The following PAX2 variants were observed in gnomAD, a reference collection of about 807,000 sequenced individuals.
PAX2 encodes paired box 2, also known as paired box protein Pax-2.
In PAX2, 9 loss-of-function variants were observed where a neutral mutation model predicts 41.7. That is an observed-to-expected ratio of 0.22 (90% CI 0.13 to 0.38). The LOEUF is 0.38. Ranked by LOEUF, PAX2 falls within the 10% of genes least tolerant of loss-of-function variation. The probability of loss-of-function intolerance (pLI) is 1.00; values close to 1 mark genes in which losing one functional copy is unlikely to be tolerated. For synonymous variants in PAX2, 221 were observed against 212.7 expected (o/e 1.04, Z -0.34); for missense variants, 418 against 531.6 (o/e 0.79, Z 2.10).
chr10:100,739,964 C>G (rs1285899866), intron 1 of PAX2, among the ~76,000 whole-genome samples: 2 of 152,236 alleles, frequency 1.3e-5, no homozygotes, highest in Admixed American at 1.3e-4. Flanking sequence ...TCAGGCCTCC[C>G]AGAGACAGGT....
At chr10:100,783,252 C>A (rs919797146) in intron 5 of PAX2, among the ~76,000 whole-genome samples, 2 of 152,202 alleles carry the variant, frequency 1.3e-5, no homozygotes, top group African/African-American at 4.8e-5. Flanking sequence ...CTATAGGATC[C>A]CAAAGCAGAA....
At chr10:100,758,241 C>T (rs995079150) in intron 3 of PAX2, among the ~76,000 whole-genome samples, 15 of 151,542 alleles carry the variant, frequency 9.9e-5, no homozygotes, top group Middle Eastern at 3.4e-3. Context: ...CCCGGGTTCA[C>T]GCCATTCTCC....
Position 100,826,929 on chromosome 10 carries a change from G to C in PAX2, c.1022-80G>C. 1 of 939,190 alleles carries C rather than the reference G, an allele frequency of 1.1e-6. No homozygotes were observed. The highest frequency in any genetic ancestry group is 1.6e-5 in the African/African-American group (1 of 61,340). 58.2% of individuals were successfully genotyped at this position (939,190 alleles called of 1,614,324 possible). ...GCCTGAGACCCGGCGGGAGGAGCGG[G>C]CGGAGAAGCCACCGGCCGGACTCGT... On this transcript the variant is annotated intron_variant, in intron 8 of 9. Coordinates refer to ENST00000355243, the MANE Select transcript of PAX2 (RefSeq NM_000278.5). The surrounding 1 kb of genome is among the most constrained non-coding windows in gnomAD (Gnocchi z 5.5).
intron 5 of PAX2, among the ~76,000 whole-genome samples, chr10:100,789,721 G>A (rs1334118463): frequency 6.6e-6 from 1 of 152,204 alleles, no homozygotes; most frequent in Non-Finnish European, 1.5e-5. Flanking sequence ...ACTCATTTAT[G>A]AACACACATT....
chr10:100,770,812 G>A (rs554754269), intron 3 of PAX2, among the ~76,000 whole-genome samples: 63 of 152,356 alleles, frequency 4.1e-4, no homozygotes, highest in Non-Finnish European at 8.2e-4. Flanking sequence ...GCAACTGATA[G>A]CTTATTGAAT....
chr10:100,796,598 C>G (rs1847347454), intron 5 of PAX2, among the ~76,000 whole-genome samples: 1 of 152,156 alleles, frequency 6.6e-6, no homozygotes, highest in Non-Finnish European at 1.5e-5. Context: ...ATTTTTAGAG[C>G]ATCCCATCCT....
At chr10:100,737,941 A>G (rs1844830795) in intron 1 of PAX2, among the ~76,000 whole-genome samples, 2 of 152,224 alleles carry the variant, frequency 1.3e-5, no homozygotes, top group African/African-American at 4.8e-5. Context: ...AAAGGGCGAG[A>G]GAAGGAGGAA....
chr10:100,753,278 G>C (rs1249342889), intron 3 of PAX2, among the ~76,000 whole-genome samples: 1 of 152,120 alleles, frequency 6.6e-6, no homozygotes, highest in Non-Finnish European at 1.5e-5. Context: ...AAAGAATTCT[G>C]GGGGCTTCCC....
chr10:100,753,556 G>A (rs1265450333), intron 3 of PAX2, among the ~76,000 whole-genome samples: 1 of 152,174 alleles, frequency 6.6e-6, no homozygotes, highest in Non-Finnish European at 1.5e-5. Context: ...GGGAACGGGT[G>A]GTTCTTGAGT....
intron 3 of PAX2, among the ~76,000 whole-genome samples, chr10:100,754,646 G>A (rs1412431800): frequency 6.6e-6 from 1 of 152,246 alleles, no homozygotes; most frequent in Non-Finnish European, 1.5e-5. Flanking sequence ...GGGTCAGGCA[G>A]TGGGGTGACA....
At chr10:100,821,547 T>C (rs964740691) in intron 7 of PAX2, among the ~76,000 whole-genome samples, 2 of 152,364 alleles carry the variant, frequency 1.3e-5, no homozygotes, top group East Asian at 1.9e-4. Context: ...AGTGGGTGAC[T>C]TTCAGCATGC....
chr10:100,752,120 T>C (rs1349539233), intron 3 of PAX2, among the ~76,000 whole-genome samples: 1 of 152,216 alleles, frequency 6.6e-6, no homozygotes, highest in Non-Finnish European at 1.5e-5. Flanking sequence ...GAAGATTCCC[T>C]CTGCCACACT....
intron 6 of PAX2, among the ~76,000 whole-genome samples, chr10:100,808,665 G>A (rs1309982874): frequency 6.6e-6 from 1 of 152,054 alleles, no homozygotes; most frequent in Non-Finnish European, 1.5e-5. Context: ...TTAAAAAAGG[G>A]GCGCCCATAC....
In PAX2 at chr10:100,827,422, C is replaced by A; in HGVS notation, c.1109-121C>A. ...ACTGGCTCCACTGCCCAGCCAAGGT[C>A]TCCCAGTCCGGATCCCGCTGGACCC... On this transcript the variant is annotated intron_variant, in intron 9 of 9. Transcript: ENST00000355243. The surrounding 1 kb of genome is among the most constrained non-coding windows in gnomAD (Gnocchi z 8.5). 1 of 1,016,758 alleles carries A rather than the reference C, an allele frequency of 9.8e-7. No homozygotes were observed. Among genetic ancestry groups the A allele is most frequent in the Non-Finnish European group, 1.5e-6 (1 of 646,720 alleles). 63.0% of individuals were successfully genotyped at this position (1,016,758 alleles called of 1,614,324 possible).
chr10:100,790,377 C>T (rs2133917601), intron 5 of PAX2, among the ~76,000 whole-genome samples: 1 of 152,204 alleles, frequency 6.6e-6, no homozygotes, highest in Non-Finnish European at 1.5e-5. Context: ...GGACGAGCAC[C>T]CATCTTGTCA....
At chr10:100,782,690 T>C (rs1055278737) in intron 5 of PAX2, among the ~76,000 whole-genome samples, 6 of 152,282 alleles carry the variant, frequency 3.9e-5, no homozygotes, top group African/African-American at 1.2e-4. Context: ...TATTTCTCCT[T>C]CTTCCAAAAT....
At chr10:100,743,962 A>G (rs1331958587), upstream of PAX2, among the ~76,000 whole-genome samples, 2 of 152,218 alleles carry the variant, frequency 1.3e-5, no homozygotes, top group Non-Finnish European at 2.9e-5. Context: ...TCTGGAGGAT[A>G]CAGGAGGGAG....
chr10:100,781,748 G>T (rs1342148232), intron 5 of PAX2, among the ~76,000 whole-genome samples: 1 of 152,240 alleles, frequency 6.6e-6, no homozygotes, highest in Non-Finnish European at 1.5e-5. Context: ...CTGTCTGGAG[G>T]TGAGGTAGTG....
intron 1 of PAX2, 60 bp from the exon 2 acceptor site, chr10:100,749,686 G>T: frequency 6.4e-7 from 1 of 1,569,756 alleles, no homozygotes; most frequent in Non-Finnish European, 8.7e-7. Context: ...CGCGGACCCT[G>T]ACTAATGGCC....
Sources: gnomAD v4.1 joint callset for allele counts (sites outside exome capture counted in the v4.1 genomes callset) on GRCh38, gnomAD v4.1.1 for gene constraint, Gnocchi (gnomAD v3.1) non-coding constraint, MANE v1.5 for transcripts, NCBI Gene and HGNC (gene_info 2026-07-23, HGNC 2026-07-21) for gene names.